MCC: variants seen among roughly 807,000 people sequenced by gnomAD.
The protein encoded by MCC is colorectal mutant cancer protein.
Under a neutral mutation model 116.2 loss-of-function variants are expected in MCC, and 90 were observed. The observed-to-expected ratio is 0.77, with a 90% CI of 0.65 to 0.92. The LOEUF is 0.92. Ranked by LOEUF, MCC falls within the 40% of genes least tolerant of loss-of-function variation. The pLI, the probability that MCC is intolerant of heterozygous loss-of-function variation, is 0.00. For synonymous variants in MCC, 578 were observed against 510.5 expected (o/e 1.13, Z -1.78); for missense variants, 1,516 against 1,312.2 (o/e 1.16, Z -2.40).
chr5:113,322,060 G>T (rs1449666288), intron 3 of MCC, among the ~76,000 whole-genome samples: 1 of 152,150 alleles, frequency 6.6e-6, no homozygotes, highest in African/African-American at 2.4e-5. Context: ...TCAAACTCCT[G>T]ACCTCAGGTG....
At chr5:113,363,999 C>A (rs1040432471) in intron 2 of MCC, among the ~76,000 whole-genome samples, 3 of 151,918 alleles carry the variant, frequency 2.0e-5, no homozygotes, top group Non-Finnish European at 2.9e-5. Context: ...TTTGGGAGAC[C>A]AAGGCAGGCA....
At chr5:113,143,419 A>C in intron 4 of MCC, 59 bp from the exon 5 acceptor site, 1 of 1,590,872 alleles carries the variant, frequency 6.3e-7, no homozygotes, top group South Asian at 1.1e-5. Flanking sequence ...CAGGTGGATG[A>C]TTCCAAGCTT....
chr5:113,073,459 T>A (rs551988271), intron 11 of MCC, among the ~76,000 whole-genome samples: 1 of 152,236 alleles, frequency 6.6e-6, no homozygotes, highest in Non-Finnish European at 1.5e-5. Flanking sequence ...TAATGACTTC[T>A]AATTACACTT....
At chr5:113,399,834 G>C (rs1769631892) in intron 1 of MCC, 1 of 152,114 alleles carries the variant, frequency 6.6e-6, no homozygotes, top group Non-Finnish European at 1.5e-5. Context: ...TTAGATTTGA[G>C]TTACTGCAAT....
intron 17 of MCC, among the ~76,000 whole-genome samples, chr5:113,034,487 GA>G (rs1751187474): frequency 6.6e-6 from 1 of 151,746 alleles, no homozygotes; most frequent in Non-Finnish European, 1.5e-5. Context: ...GGAGCTGCAG[GA>G]GTCATCGGGC....
intron 3 of MCC, among the ~76,000 whole-genome samples, chr5:113,167,183 T>C (rs1760815166): frequency 6.6e-6 from 1 of 152,080 alleles, no homozygotes; most frequent in Non-Finnish European, 1.5e-5. Context: ...CACAGAACAA[T>C]TATGGAGGGC....
At chr5:113,198,630 G>C (rs985066449) in intron 3 of MCC, among the ~76,000 whole-genome samples, 11 of 151,548 alleles carry the variant, frequency 7.3e-5, no homozygotes, top group Non-Finnish European at 1.6e-4. Context: ...CTTGAGCCTG[G>C]GAGGTTGAGG....
chr5:113,267,671 T>C (rs1707959501), intron 3 of MCC, among the ~76,000 whole-genome samples: 1 of 152,156 alleles, frequency 6.6e-6, no homozygotes, highest in South Asian at 2.1e-4. Flanking sequence ...CCTGTACAAT[T>C]TCCAGAACAG....
At chr5:113,431,112 A>C (rs1399207908) in intron 1 of MCC, among the ~76,000 whole-genome samples, 2 of 152,070 alleles carry the variant, frequency 1.3e-5, no homozygotes, top group African/African-American at 2.4e-5. Context: ...GGGAGAAAGG[A>C]AGGGGAGGAG....
intron 1 of MCC, among the ~76,000 whole-genome samples, chr5:113,457,013 C>T (rs1026015493): frequency 4.6e-5 from 7 of 152,196 alleles, no homozygotes; most frequent in East Asian, 3.9e-4. Flanking sequence ...TCGCTCTCAC[C>T]GCCTCCTCTG....
At chr5:113,230,886 C>T (rs1763916112) in intron 3 of MCC, among the ~76,000 whole-genome samples, 1 of 152,022 alleles carries the variant, frequency 6.6e-6, no homozygotes, top group African/African-American at 2.4e-5. Flanking sequence ...CAAAACAGAC[C>T]ATTATCTCAA....
chr5:113,444,841 A>T (rs1015224965), intron 1 of MCC, among the ~76,000 whole-genome samples: 8 of 152,190 alleles, frequency 5.3e-5, no homozygotes, highest in Non-Finnish European at 1.0e-4. Flanking sequence ...CAACAACAAC[A>T]ATAGTAATTT....
chr5:113,041,289 A>T (rs1751691939), intron 17 of MCC, among the ~76,000 whole-genome samples: 1 of 152,084 alleles, frequency 6.6e-6, no homozygotes, highest in Non-Finnish European at 1.5e-5. Context: ...AATACACTGT[A>T]CCCTTCCCCT....
chr5:113,218,259 T>C (rs1386729015), intron 3 of MCC, among the ~76,000 whole-genome samples: 14 of 152,164 alleles, frequency 9.2e-5, no homozygotes, highest in Admixed American at 6.5e-5. Context: ...GGAGCTTTCA[T>C]GCCCTGGCCT....
At chr5:113,386,012 T>C (rs1241534126) in intron 1 of MCC, among the ~76,000 whole-genome samples, 1 of 152,164 alleles carries the variant, frequency 6.6e-6, no homozygotes, top group African/African-American at 2.4e-5. Context: ...AATAACCCTA[T>C]GCTGACCAAG....
intron 3 of MCC, among the ~76,000 whole-genome samples, chr5:113,176,543 A>G (rs1410427394): frequency 6.6e-6 from 1 of 152,204 alleles, no homozygotes; most frequent in African/African-American, 2.4e-5. Flanking sequence ...CTTGTGCTCC[A>G]GGCTTGTACC....
chr5:113,479,452 T>C (rs531952704), intron 1 of MCC, among the ~76,000 whole-genome samples: 1 of 152,282 alleles, frequency 6.6e-6, no homozygotes, highest in East Asian at 1.9e-4. Flanking sequence ...GGGTTCCTTT[T>C]ATTGCATGTC....
intron 4 of MCC, among the ~76,000 whole-genome samples, chr5:113,147,765 G>A (rs1478716489): frequency 6.6e-6 from 1 of 152,152 alleles, no homozygotes; most frequent in Non-Finnish European, 1.5e-5. Context: ...AGGAGCTAGA[G>A]GAGTTTACCA....
intron 11 of MCC, among the ~76,000 whole-genome samples, chr5:113,077,666 G>C (rs1754551231): frequency 6.6e-6 from 1 of 152,198 alleles, no homozygotes; most frequent in African/African-American, 2.4e-5. Flanking sequence ...AGTGTGTAGA[G>C]GGAAACTTAT....
Sources: gnomAD v4.1 joint callset for allele counts (sites outside exome capture counted in the v4.1 genomes callset) on GRCh38, gnomAD v4.1.1 for gene constraint, MANE v1.5 for transcripts, NCBI Gene and HGNC (gene_info 2026-07-23, HGNC 2026-07-21) for gene names.